ANKIB1: variants seen among roughly 807,000 people sequenced by gnomAD.
The protein encoded by ANKIB1 is ankyrin repeat and IBR domain-containing protein 1.
ANKIB1 carries 43 observed loss-of-function variants against 122.1 expected under a neutral mutation model. The ratio of observed to expected loss-of-function variants is 0.35; its 90% CI spans 0.28 to 0.45. The LOEUF (loss-of-function observed/expected upper bound fraction) is 0.45. Ranked by LOEUF, ANKIB1 falls within the 20% of genes least tolerant of loss-of-function variation. The pLI is 1.00. For synonymous variants in ANKIB1, 390 were observed against 442.0 expected, an observed-to-expected ratio of 0.88 and a Z score of 1.48; for missense variants, 992 against 1,329.5, an observed-to-expected ratio of 0.75 and a Z score of 3.95.
intron 5 of ANKIB1, among the ~76,000 whole-genome samples, chr7:92,341,686 A>T (rs1803443832): frequency 6.6e-6 from 1 of 152,188 alleles, no homozygotes; most frequent in Non-Finnish European, 1.5e-5. Flanking sequence ...TACCTATGTA[A>T]AATAATCACC....
intron 10 of ANKIB1, among the ~76,000 whole-genome samples, chr7:92,367,819 T>C (rs1247266354): frequency 6.6e-6 from 1 of 152,222 alleles, no homozygotes; most frequent in East Asian, 1.9e-4. Flanking sequence ...GTATTTTTCA[T>C]GGGACATACT....
At chr7:92,299,230 G>A (rs1342651593) in intron 2 of ANKIB1, among the ~76,000 whole-genome samples, 1 of 152,200 alleles carries the variant, frequency 6.6e-6, no homozygotes, top group Non-Finnish European at 1.5e-5. Context: ...TTTCTGATAA[G>A]ATTGATGATG....
At chr7:92,306,780 A>G (rs1435977024) in intron 2 of ANKIB1, among the ~76,000 whole-genome samples, 2 of 152,180 alleles carry the variant, frequency 1.3e-5, no homozygotes, top group African/African-American at 2.4e-5. Flanking sequence ...GACATCGTGT[A>G]AATATATGCC....
intron 4 of ANKIB1, 43 bp downstream of exon 4, chr7:92,319,555 T>A (rs1359198408): frequency 1.3e-6 from 2 of 1,559,374 alleles, no homozygotes; most frequent in Admixed American, 4.0e-5. Context: ...TACATGTAAT[T>A]TTAGATTTTA....
intron 11 of ANKIB1, among the ~76,000 whole-genome samples, chr7:92,371,953 GTGTGTGTGT>G (rs1804268731): frequency 0.022 from 142 of 6,366 alleles, no homozygotes; most frequent in Non-Finnish European, 0.036. Flanking sequence ...AGAGAGGGGT[GTGTGTGTGT>G]GTGTGTGTGT....
At chr7:92,392,659 A>G (rs1020186386) in intron 17 of ANKIB1, among the ~76,000 whole-genome samples, 1 of 152,044 alleles carries the variant, frequency 6.6e-6, no homozygotes, top group African/African-American at 2.4e-5. Context: ...AGAACAATCC[A>G]TTTTTTAAGG....
At position 92,331,794 on chromosome 7, in the gene ANKIB1, A is replaced by G. The variant is rs1209646106; in HGVS notation, c.787+3894A>G. ...GTCACGTGGCCATACCTAACTGCAA[A>G]CAAAAAAAAGTGTCTACACTACAGC... On this transcript the variant is annotated intron_variant, in intron 5 of 19. Coordinates refer to ENST00000265742, the MANE Select transcript of ANKIB1 (RefSeq NM_019004.2). 2.6e-5 allele frequency among the ~76,000 whole-genome samples: 4 copies of G among 152,298 alleles called. No homozygotes were observed. In the East Asian group the frequency reaches 7.7e-4, roughly 29 times the overall value.
chr7:92,371,418 T>TC, intron 10 of ANKIB1, 59 bp from the exon 11 acceptor site: 3 of 1,463,814 alleles, frequency 2.0e-6, no homozygotes, highest in South Asian at 1.3e-5. Flanking sequence ...GGTTTTTTTT[T>TC]CCCCCAGAAG....
At chr7:92,273,362 A>G (rs770010698) in intron 1 of ANKIB1, among the ~76,000 whole-genome samples, 1 of 152,196 alleles carries the variant, frequency 6.6e-6, no homozygotes, top group African/African-American at 2.4e-5. Flanking sequence ...TTCTTTGCAT[A>G]TTCTTGTCTT....
chr7:92,266,566 C>T (rs1382391532), intron 1 of ANKIB1, among the ~76,000 whole-genome samples: 6 of 152,132 alleles, frequency 3.9e-5, no homozygotes, highest in African/African-American at 1.4e-4. Context: ...CTGTAGAAAA[C>T]CCTCCTCTGA....
chr7:92,375,444 T>C (rs985051585), intron 11 of ANKIB1, among the ~76,000 whole-genome samples: 1 of 152,258 alleles, frequency 6.6e-6, no homozygotes, highest in East Asian at 1.9e-4. Flanking sequence ...ATTTCAACAA[T>C]GTTTACAGAG....
chr7:92,314,268 A>G lies in ANKIB1; in HGVS notation c.487-5062A>G, dbSNP rs1164198656. On this transcript the variant is annotated intron_variant, in intron 3 of 19. Coordinates refer to ENST00000265742, the MANE Select transcript of ANKIB1 (RefSeq NM_019004.2). The stretch of plus-strand genomic sequence containing the variant: ...AGCCGTGATCATGCTACTGTACTCC[A>G]GCCTGGGTGACAGAGCGAGATGCTG... 3.3e-5 allele frequency among the ~76,000 whole-genome samples: 5 copies of G among 151,958 alleles called. No homozygotes were observed. The South Asian group carries it at 8.3e-4, about 25-fold the overall frequency.
rs761679571 is a variant in ANKIB1 at position 92,319,508 on chromosome 7, G to A, written c.665G>A (p.Arg222Gln). The A allele has an allele frequency of 7.4e-5, 118 of 1,597,820 alleles. No individual in the cohort carries two copies. Among genetic ancestry groups the A allele is most frequent in the Admixed American group, 5.3e-4 (29 of 54,350 alleles). ...GCTGAATATGCTGCATTAGACAAAC[G>A]AGAGGTCAGTTTATTTTTTCTTCTC... ...IEAEYAALDK[R>Q]EPYEGLRPQD... Residue 222 changes from arginine to glutamine, a missense_variant, in exon 4 of 20, where the codon CGA becomes CAA. Arg to Gln is a conservative substitution (Grantham distance 43). Coordinates refer to ENST00000265742, the MANE Select transcript of ANKIB1 (RefSeq NM_019004.2).
intron 1 of ANKIB1, among the ~76,000 whole-genome samples, chr7:92,270,008 A>T (rs934979912): frequency 1.2e-4 from 15 of 122,384 alleles, no homozygotes; most frequent in Admixed American, 1.0e-3. Context: ...CCCTGTGTCC[A>T]AGTGATCTCA....
intron 1 of ANKIB1, among the ~76,000 whole-genome samples, chr7:92,260,088 T>C (rs2131880565): frequency 6.6e-6 from 1 of 152,322 alleles, no homozygotes; most frequent in Non-Finnish European, 1.5e-5. Flanking sequence ...AGTCTGGTCA[T>C]TTCACTTCTC....
At chr7:92,392,810 TTTTG>T (rs1014077061) in intron 17 of ANKIB1, among the ~76,000 whole-genome samples, 1 of 152,118 alleles carries the variant, frequency 6.6e-6, no homozygotes, top group African/African-American at 2.4e-5. Context: ...CTTCTTGTTT[TTTTG>T]TTGTCATTAT....
chr7:92,362,823 CA>C (rs1266769630), intron 10 of ANKIB1, among the ~76,000 whole-genome samples: 2 of 152,148 alleles, frequency 1.3e-5, no homozygotes, highest in Non-Finnish European at 2.9e-5. Context: ...TCCTGTTTTA[CA>C]GAGGAAAACT....
At chr7:92,391,376 T>C (rs1458136639) in intron 16 of ANKIB1, 32 bp downstream of exon 16, 1 of 1,467,586 alleles carries the variant, frequency 6.8e-7, no homozygotes, top group Admixed American at 2.1e-5. Context: ...GAAATCATCC[T>C]AGCTCCAGCC....
At chr7:92,328,426 CTTTGT>C (rs931293904) in intron 5 of ANKIB1, among the ~76,000 whole-genome samples, 1 of 151,976 alleles carries the variant, frequency 6.6e-6, no homozygotes, top group African/African-American at 2.4e-5. Flanking sequence ...TTTCTTGTTT[CTTTGT>C]TTTGTTTTGT....
Sources: allele counts gnomAD v4.1 joint callset (sites outside exome capture counted in the v4.1 genomes callset), GRCh38; gene constraint gnomAD v4.1.1; transcripts MANE v1.5; gene names NCBI Gene and HGNC (gene_info 2026-07-23, HGNC 2026-07-21).